The following PLCE1 variants were observed in gnomAD, a reference collection of about 807,000 sequenced individuals.
The protein encoded by PLCE1 is phospholipase C epsilon 1.
In PLCE1, 119 loss-of-function variants were observed where a neutral mutation model predicts 242.8. That is an observed-to-expected ratio of 0.49 (90% CI 0.42 to 0.57). PLCE1 has a LOEUF of 0.57. Ranked by LOEUF, PLCE1 falls within the 20% of genes least tolerant of loss-of-function variation. The probability of loss-of-function intolerance (pLI) is 0.00; values close to 1 mark genes in which losing one functional copy is unlikely to be tolerated. For synonymous variants in PLCE1, 945 were observed against 1,017.4 expected (o/e 0.93, Z 1.35); for missense variants, 2,441 against 2,788.8 (o/e 0.88, Z 2.81).
At chr10:94,086,834 T>C (rs1196053300) in intron 2 of PLCE1, among the ~76,000 whole-genome samples, 1 of 152,156 alleles carries the variant, frequency 6.6e-6, no homozygotes, top group Non-Finnish European at 1.5e-5. Flanking sequence ...TGCAAATCAT[T>C]CATTCCCTCA....
chr10:94,177,675 A>C (rs899472473), intron 4 of PLCE1, among the ~76,000 whole-genome samples: 4 of 152,036 alleles, frequency 2.6e-5, no homozygotes, highest in Non-Finnish European at 4.4e-5. Flanking sequence ...CCTATCCTTC[A>C]TCTTCCTGCA....
At chr10:94,149,669 A>G (rs147205240) in intron 3 of PLCE1, among the ~76,000 whole-genome samples, 16 of 152,218 alleles carry the variant, frequency 1.1e-4, no homozygotes, top group African/African-American at 3.6e-4. Flanking sequence ...TCTGTCTTTG[A>G]GTCTCTTGGT....
At chr10:94,149,224 G>C (rs564974764) in intron 3 of PLCE1, among the ~76,000 whole-genome samples, 1 of 152,320 alleles carries the variant, frequency 6.6e-6, no homozygotes, top group Non-Finnish European at 1.5e-5. Flanking sequence ...GAGTGCTCTT[G>C]GCACAGTCGG....
chr10:94,071,495 G>GTTTTTTTTTTTT lies in PLCE1; in HGVS notation c.1206+39253_1206+39264dup, dbSNP rs559496577. Among the ~76,000 whole-genome samples, 520 of 83,312 alleles carry GTTTTTTTTTTTT rather than the reference G, an allele frequency of 6.2e-3. 42 individuals are homozygous for GTTTTTTTTTTTT. Among genetic ancestry groups the GTTTTTTTTTTTT allele is most frequent in the African/African-American group, 0.011 (208 of 18,670 alleles). The allele number at this position is 83,312 out of a possible 152,430, so 54.7% of individuals were successfully genotyped here. A position where few individuals can be genotyped will look rare whatever the true frequency, so the allele number is the denominator to read the frequency against. On this transcript the variant is annotated intron_variant, in intron 2 of 32. Coordinates refer to ENST00000371380, the MANE Select transcript of PLCE1 (RefSeq NM_016341.4). The stretch of plus-strand genomic sequence containing the variant: ...GTCTGTGTGTGTGTGTTTGGTTTTC[G>GTTTTTTTTTTTT]TTTTTTTTTTTTTTTTTTTTTGAGT...
chr10:94,052,400 T>TCGCA (rs2043790176), intron 2 of PLCE1, among the ~76,000 whole-genome samples: 3 of 152,202 alleles, frequency 2.0e-5, no homozygotes, highest in Non-Finnish European at 4.4e-5. Flanking sequence ...CAGGAGAGGC[T>TCGCA]GGGGAAGACA....
intron 2 of PLCE1, among the ~76,000 whole-genome samples, chr10:94,071,060 C>T (rs2044337378): frequency 6.6e-6 from 1 of 152,178 alleles, no homozygotes; most frequent in African/African-American, 2.4e-5. Flanking sequence ...AAGTGAAGTT[C>T]AGGAAGGCTA....
At chr10:94,310,753 A>T (rs751081574) in intron 27 of PLCE1, among the ~76,000 whole-genome samples, 9 of 152,116 alleles carry the variant, frequency 5.9e-5, no homozygotes, top group Admixed American at 3.9e-4. Flanking sequence ...CTGACACCAA[A>T]AACATGGTGT....
chr10:94,179,520 T>TG (rs1564761741), intron 4 of PLCE1, among the ~76,000 whole-genome samples: 1 of 27,702 alleles, frequency 3.6e-5, no homozygotes, highest in Admixed American at 5.4e-4. Flanking sequence ...TAGTTTTTTT[T>TG]TTTTTTTTTT....
intron 2 of PLCE1, among the ~76,000 whole-genome samples, chr10:94,064,261 G>C (rs569910804): frequency 6.6e-6 from 1 of 152,126 alleles, no homozygotes; most frequent in South Asian, 2.1e-4. Context: ...AATTAAGAGC[G>C]TGAGCTTTGT....
intron 3 of PLCE1, among the ~76,000 whole-genome samples, chr10:94,158,845 CTTCT>C: frequency 7.9e-6 from 1 of 126,274 alleles, no homozygotes; most frequent in African/African-American, 2.6e-5. Flanking sequence ...AAATTTTCTT[CTTCT>C]TTTTCTTTTT....
At chr10:94,253,989 G>T (rs902132438) in intron 9 of PLCE1, among the ~76,000 whole-genome samples, 1 of 152,196 alleles carries the variant, frequency 6.6e-6, no homozygotes, top group South Asian at 2.1e-4. Context: ...CTCCCCTGAG[G>T]AGTACTGCTG....
intron 24 of PLCE1, among the ~76,000 whole-genome samples, chr10:94,300,647 C>G (rs919587722): frequency 2.7e-5 from 4 of 148,900 alleles, no homozygotes; most frequent in Admixed American, 2.0e-4. Flanking sequence ...TCAGTAAATG[C>G]TTGTTACTCT....
chr10:94,272,823 A>G (rs2051796474), intron 18 of PLCE1, among the ~76,000 whole-genome samples: 1 of 152,094 alleles, frequency 6.6e-6, no homozygotes, highest in South Asian at 2.1e-4. Flanking sequence ...GCACTGACAA[A>G]ATGTCCCCAA....
At chr10:94,232,642 G>A (rs926228998) in intron 5 of PLCE1, among the ~76,000 whole-genome samples, 2 of 152,052 alleles carry the variant, frequency 1.3e-5, no homozygotes, top group African/African-American at 4.8e-5. Flanking sequence ...GTACCCTCTG[G>A]TCAACCTCTT....
rs558554677 is a variant in PLCE1 at position 94,011,067 on chromosome 10, A to G, written c.-365+16809A>G. ...GTGTTAGTCATTCTTGCATTGCTAT[A>G]AAGAAATGCCTGAGGCTGGGTAACT... is the stretch of plus-strand genomic sequence containing the variant. On this transcript the variant is annotated intron_variant, in intron 1 of 32. Coordinates refer to ENST00000371380, the MANE Select transcript of PLCE1 (RefSeq NM_016341.4). Among the ~76,000 whole-genome samples the G allele has an allele frequency of 3.3e-5, 5 of 152,288 alleles. No individual in the cohort carries two copies. The East Asian group carries it at 9.7e-4, about 29-fold the overall frequency.
At chr10:94,224,174 C>A (rs1416785583) in intron 4 of PLCE1, among the ~76,000 whole-genome samples, 4 of 152,018 alleles carry the variant, frequency 2.6e-5, no homozygotes, top group Admixed American at 1.3e-4. Flanking sequence ...TCTCAACAAC[C>A]AGGGCCCTGG....
chr10:94,169,926 A>G (rs1277838716), intron 3 of PLCE1, among the ~76,000 whole-genome samples: 1 of 152,230 alleles, frequency 6.6e-6, no homozygotes, highest in Non-Finnish European at 1.5e-5. Context: ...TCGTAGCACC[A>G]GACGAAGGCC....
chr10:94,191,088 T>C (rs1342697743), intron 4 of PLCE1, among the ~76,000 whole-genome samples: 2 of 151,444 alleles, frequency 1.3e-5, no homozygotes, highest in Non-Finnish European at 2.9e-5. Flanking sequence ...CCTCATAGGG[T>C]GACTAAAAGA....
At chr10:94,140,453 G>A (rs2046921732) in intron 3 of PLCE1, among the ~76,000 whole-genome samples, 1 of 151,970 alleles carries the variant, frequency 6.6e-6, no homozygotes, top group African/African-American at 2.4e-5. Flanking sequence ...TGAGGCATGA[G>A]AACTGCTTGA....
Sources: gnomAD v4.1 joint callset for allele counts (sites outside exome capture counted in the v4.1 genomes callset) on GRCh38, gnomAD v4.1.1 for gene constraint, MANE v1.5 for transcripts, NCBI Gene and HGNC (gene_info 2026-07-23, HGNC 2026-07-21) for gene names.